The following RASSF5 variants were observed in gnomAD, a reference collection of about 807,000 sequenced individuals.
RASSF5 encodes ras association domain-containing protein 5.
RASSF5 carries 25 observed loss-of-function variants against 40.5 expected under a neutral mutation model. The ratio of observed to expected loss-of-function variants is 0.62; its 90% CI spans 0.45 to 0.86. The LOEUF is 0.86. RASSF5 is among the 40% of genes least tolerant of loss of function. RASSF5 has a pLI of 0.00. For missense variants in RASSF5, 521 were observed against 572.8 expected (o/e 0.91, Z 0.92); for synonymous variants, 246 against 252.4 (o/e 0.97, Z 0.24).
rs555619204 is a variant in RASSF5 at position 206,560,152 on chromosome 1, G to A, written c.579+21859G>A. Among the ~76,000 whole-genome samples the A allele has an allele frequency of 3.3e-5, 5 of 152,280 alleles. No homozygotes were observed. The highest frequency in any genetic ancestry group is 2.6e-4 in the Admixed American group (4 of 15,292). On this transcript the variant is annotated intron_variant, in intron 2 of 5. Transcript: ENST00000579436. The surrounding 1 kb of genome is among the most constrained non-coding windows in gnomAD (Gnocchi z 5.1). ...AAGGAAAGGAGTTGATGTGTTTCCC[G>A]GTCGTCGAGAGATTGAGGCCCTCAT...
intron 2 of RASSF5, among the ~76,000 whole-genome samples, chr1:206,577,674 T>C (rs969749885): frequency 2.0e-5 from 3 of 152,208 alleles, no homozygotes; most frequent in African/African-American, 7.2e-5. Flanking sequence ...AAGACAGGCG[T>C]GGGTGCTTCT....
At chr1:206,583,431 G>T (rs1157983646) in intron 3 of RASSF5, 52 bp downstream of exon 3, 6 of 1,249,558 alleles carry the variant, frequency 4.8e-6, no homozygotes, top group Non-Finnish European at 7.1e-6. Context: ...CCCGCTTCGG[G>T]TTTGGCGCCT....
chr1:206,577,774 A>G (rs1668709554), intron 2 of RASSF5, among the ~76,000 whole-genome samples: 1 of 152,228 alleles, frequency 6.6e-6, no homozygotes, highest in East Asian at 1.9e-4. Flanking sequence ...ACTGTAGGCA[A>G]TAGGGGATCA....
rs1669053175 is a variant in RASSF5, at chr1:206,585,020, T to G, written c.989-160T>G. The G allele has an allele frequency of 4.6e-6, 3 of 653,822 alleles. No homozygotes were observed. The East Asian group carries it at 7.7e-5, about 17-fold the overall frequency. The allele number at this position is 653,822 out of a possible 1,614,324, so 40.5% of individuals were successfully genotyped here. A position where few individuals can be genotyped will look rare whatever the true frequency, so the allele number is the denominator to read the frequency against. On this transcript the variant is annotated intron_variant, in intron 4 of 5. Coordinates refer to ENST00000579436, the MANE Select transcript of RASSF5 (RefSeq NM_182663.4). ...TGAGCAGACACCCAAGATAAAAGGT[T>G]ATTGCCCTGTTCATTACTGTCATGT...
chr1:206,523,682 A>AATATATTATATATAATATATTT (rs1666987375), intron 1 of RASSF5, among the ~76,000 whole-genome samples: 2 of 85,686 alleles, frequency 2.3e-5, no homozygotes, highest in South Asian at 2.9e-4. Context: ...ATTATATATA[A>AATATATTATATATAATATATTT]ATATATTATA....
intron 1 of RASSF5, among the ~76,000 whole-genome samples, chr1:206,511,853 G>A (rs1271480996): frequency 2.6e-5 from 4 of 152,174 alleles, no homozygotes; most frequent in African/African-American, 4.8e-5. Flanking sequence ...AACCGCCTGC[G>A]TGACAGCCCC....
At position 206,507,550 on chromosome 1, in the gene RASSF5, A is replaced by G. The variant is rs1384068524; in HGVS notation, c.-53A>G. ...CCCCTTCTCTCGGGGCTGGCTCGGG[A>G]GTAGCGCAGTCGCCAAAGCCGCCGC... is the stretch of plus-strand genomic sequence containing the variant. On this transcript the variant is annotated 5_prime_UTR_variant, in exon 1 of 6. Coordinates refer to ENST00000579436, the MANE Select transcript of RASSF5 (RefSeq NM_182663.4). 1 of 1,366,218 alleles carries G rather than the reference A, an allele frequency of 7.3e-7. No homozygotes were observed. Among genetic ancestry groups the G allele is most frequent in the Non-Finnish European group, 9.6e-7 (1 of 1,041,404 alleles). The allele number at this position is 1,366,218 out of a possible 1,614,324, so 84.6% of individuals were successfully genotyped here.
At chr1:206,536,636 T>C (rs1667419838) in intron 1 of RASSF5, among the ~76,000 whole-genome samples, 1 of 152,152 alleles carries the variant, frequency 6.6e-6, no homozygotes, top group Non-Finnish European at 1.5e-5. Flanking sequence ...GTGGTGGCTT[T>C]TAAAAATCGA....
Position 206,584,515 on chromosome 1 carries a change from C to T in RASSF5, c.819C>T (p.Thr273=). The T allele has an allele frequency of 6.2e-7, 1 of 1,614,146 alleles. No individual in the cohort carries two copies. The highest frequency in any genetic ancestry group is 8.5e-7 in the Non-Finnish European group (1 of 1,180,008). ...DAIKEVNLAA[T]TDKRTSFYLP... ...TCAAGGAGGTGAACCTGGCGGCTAC[C>T]ACGGACAAGCGGACATCCTTCTACC... is the stretch of plus-strand genomic sequence containing the variant. Residue 273 remains threonine (T), a synonymous_variant, in exon 4 of 6, where the codon ACC becomes ACT. Coordinates refer to ENST00000579436, the MANE Select transcript of RASSF5 (RefSeq NM_182663.4). The surrounding 1 kb of genome is among the most constrained non-coding windows in gnomAD (Gnocchi z 4.9).
intron 1 of RASSF5, among the ~76,000 whole-genome samples, chr1:206,534,447 C>G (rs576802932): frequency 6.6e-6 from 1 of 152,276 alleles, no homozygotes; most frequent in East Asian, 1.9e-4. Context: ...GCTAGTTTCT[C>G]CTTAATCTGT....
intron 2 of RASSF5, among the ~76,000 whole-genome samples, chr1:206,561,688 G>A (rs1553402664): frequency 8.3e-6 from 1 of 120,764 alleles, no homozygotes. Context: ...TTTTTGAGAT[G>A]GAGTTTTGCT....
chr1:206,567,459 G>A (rs1668319006), intron 2 of RASSF5, among the ~76,000 whole-genome samples: 1 of 152,160 alleles, frequency 6.6e-6, no homozygotes, highest in African/African-American at 2.4e-5. Context: ...ATTGGTCTGG[G>A]CACCCACAGT....
At chr1:206,545,316 A>C (rs1667652559) in intron 2 of RASSF5, among the ~76,000 whole-genome samples, 1 of 148,310 alleles carries the variant, frequency 6.7e-6, no homozygotes, top group Non-Finnish European at 1.5e-5. Context: ...CTCCATTATT[A>C]GGTGCATAAA....
At chr1:206,574,462 C>T (rs1178378416) in intron 2 of RASSF5, among the ~76,000 whole-genome samples, 1 of 152,192 alleles carries the variant, frequency 6.6e-6, no homozygotes, top group African/African-American at 2.4e-5. Flanking sequence ...TGACCATCTG[C>T]TCTACGTTTT....
At chr1:206,581,109 TTAC>T (rs1294303828) in intron 2 of RASSF5, 1 of 152,248 alleles carries the variant, frequency 6.6e-6, no homozygotes, top group East Asian at 1.9e-4. Flanking sequence ...ACTTAGCTTC[TTAC>T]TAGCAGGGGA....
In RASSF5 at chr1:206,507,826, G is replaced by T; in HGVS notation, c.224G>T (p.Arg75Leu). Residue 75 changes from arginine to leucine, a missense_variant, in exon 1 of 6, where the codon CGG becomes CTG. By Grantham distance (102) the Arg-to-Leu change is moderately radical. Transcript: ENST00000579436. ...AARGNLEPPP[R>L]ASRPARPLRP... ...CGGGGGAACCTGGAGCCCCCGCCCC[G>T]GGCCTCCCGACCCGCTCGCCCGCTC... is the stretch of plus-strand genomic sequence containing the variant. The T allele has an allele frequency of 6.3e-6, 9 of 1,420,850 alleles. No homozygotes were observed. Among genetic ancestry groups the T allele is most frequent in the Non-Finnish European group, 8.2e-6 (9 of 1,094,760 alleles). 88.0% of individuals were successfully genotyped at this position (1,420,850 alleles called of 1,614,324 possible). A position where few individuals can be genotyped will look rare whatever the true frequency, so the allele number is the denominator to read the frequency against.
intron 3 of RASSF5, 40 bp downstream of exon 3, chr1:206,583,419 C>G: frequency 7.1e-7 from 1 of 1,406,830 alleles, no homozygotes; most frequent in Non-Finnish European, 1.0e-6. Context: ...CCTGCTCCAC[C>G]ACCCGCTTCG....
At chr1:206,576,130 G>A (rs1668648527) in intron 2 of RASSF5, among the ~76,000 whole-genome samples, 2 of 152,222 alleles carry the variant, frequency 1.3e-5, no homozygotes, top group African/African-American at 4.8e-5. Flanking sequence ...GGGGAGATGG[G>A]ATTAACATGT....
At chr1:206,567,264 C>T (rs1302442247) in intron 2 of RASSF5, among the ~76,000 whole-genome samples, 4 of 152,102 alleles carry the variant, frequency 2.6e-5, no homozygotes, top group Admixed American at 1.3e-4. Context: ...AGTGGGGCCT[C>T]CGAGGGGGTT....
Sources: allele counts gnomAD v4.1 joint callset (sites outside exome capture counted in the v4.1 genomes callset), GRCh38; gene constraint gnomAD v4.1.1; non-coding constraint Gnocchi (gnomAD v3.1); transcripts MANE v1.5; gene names NCBI Gene and HGNC (gene_info 2026-07-23, HGNC 2026-07-21).